Variants in VRTN observed in about 807,000 individuals in gnomAD.
VRTN encodes vertebrae development associated, also known as vertnin.
Under a neutral mutation model 18.2 loss-of-function variants are expected in VRTN, and 5 were observed. The ratio of observed to expected loss-of-function variants is 0.27; its 90% CI spans 0.14 to 0.58. The LOEUF (loss-of-function observed/expected upper bound fraction) is 0.58, where lower values mean the gene tolerates loss of function less well. Among genes scored for constraint, VRTN ranks in the 20% least tolerant of loss-of-function variants. The pLI, the probability that VRTN is intolerant of heterozygous loss-of-function variation, is 0.91. For missense variants in VRTN, 741 were observed against 939.4 expected (o/e 0.79, Z 2.76); for synonymous variants, 381 against 393.7 (o/e 0.97, Z 0.38).
At chr14:74,339,679 T>C (rs1269996686) in intron 2 of VRTN, among the ~76,000 whole-genome samples, 1 of 152,032 alleles carries the variant, frequency 6.6e-6, no homozygotes, top group African/African-American at 2.4e-5. Context: ...TTGGGCATGG[T>C]GGCACATGCC....
At chr14:74,333,293 G>C in intron 1 of VRTN, among the ~76,000 whole-genome samples, 1 of 152,114 alleles carries the variant, frequency 6.6e-6, no homozygotes, top group Middle Eastern at 3.2e-3. Context: ...TGAGGCAGGA[G>C]AACTGCTTGA....
upstream of VRTN, among the ~76,000 whole-genome samples, chr14:74,347,043 A>G (rs1005675815): frequency 1.8e-4 from 28 of 152,358 alleles, no homozygotes; most frequent in African/African-American, 6.5e-4. Flanking sequence ...CAGCATATTT[A>G]TATTAAGAAT....
chr14:74,326,433 G>A (rs563030810), intron 1 of VRTN, among the ~76,000 whole-genome samples: 18 of 152,208 alleles, frequency 1.2e-4, no homozygotes, highest in African/African-American at 4.3e-4. Context: ...AGCAGGCTGG[G>A]GTCTGGCTGG....
chr14:74,343,972 A>G (rs1461637243), upstream of VRTN, among the ~76,000 whole-genome samples: 1 of 150,362 alleles, frequency 6.7e-6, no homozygotes, highest in Non-Finnish European at 1.5e-5. Flanking sequence ...ATTTTTTTGT[A>G]TTTTTGTAGA....
intron 1 of VRTN, among the ~76,000 whole-genome samples, chr14:74,318,825 T>G (rs2085434966): frequency 6.6e-6 from 1 of 151,806 alleles, no homozygotes; most frequent in Non-Finnish European, 1.5e-5. Context: ...GCAATTCTTG[T>G]GCCTCAGCCT....
At chr14:74,307,138 T>A (rs1018165496) in intron 1 of VRTN, among the ~76,000 whole-genome samples, 2 of 57,626 alleles carry the variant, frequency 3.5e-5, no homozygotes, top group African/African-American at 1.5e-4. Context: ...GTTGTGGCCC[T>A]TTTTTTTTTT....
intron 2 of VRTN, among the ~76,000 whole-genome samples, chr14:74,341,540 CAG>C (rs2085605703): frequency 6.6e-6 from 1 of 152,194 alleles, no homozygotes; most frequent in Non-Finnish European, 1.5e-5. Context: ...TATTTTGAGA[CAG>C]AGTTTTGCTC....
chr14:74,344,180 G>C (rs1223721277), upstream of VRTN, among the ~76,000 whole-genome samples: 1 of 135,282 alleles, frequency 7.4e-6, no homozygotes. Flanking sequence ...AGGCCAAAGG[G>C]GGAGGATCAC....
At position 74,359,420 on chromosome 14, in the gene VRTN, T is replaced by C. The variant is rs1175815803; in HGVS notation, c.*528T>C. The C allele has an allele frequency of 5.9e-6, 1 of 168,340 alleles. No individual in the cohort carries two copies. The highest frequency in any genetic ancestry group is 1.4e-5 in the Non-Finnish European group (1 of 69,130). The allele number at this position is 168,340 out of a possible 1,614,324, so 10.4% of individuals were successfully genotyped here. A position where few individuals can be genotyped will look rare whatever the true frequency, so the allele number is the denominator to read the frequency against. ...TATGGGGGCCAGGTGTGGTGGCTTA[T>C]GCCTGTAATCCTAGCGCTTTGGGAG... On this transcript the variant is annotated 3_prime_UTR_variant, in exon 2 of 2. Coordinates refer to ENST00000256362, the MANE Select transcript of VRTN (RefSeq NM_018228.3).
intron 2 of VRTN, among the ~76,000 whole-genome samples, chr14:74,340,166 G>A (rs2085592345): frequency 6.7e-6 from 1 of 148,354 alleles, no homozygotes; most frequent in East Asian, 2.0e-4. Flanking sequence ...AGGCTGGAGT[G>A]CAAGGGCACG....
chr14:74,350,290 G>A (rs768698504), intron 1 of VRTN, among the ~76,000 whole-genome samples: 10 of 152,050 alleles, frequency 6.6e-5, no homozygotes, highest in Non-Finnish European at 1.5e-4. Context: ...GCCAGAAGTG[G>A]GGTATCACAT....
intron 2 of VRTN, among the ~76,000 whole-genome samples, chr14:74,340,847 T>C (rs1595171461): frequency 6.6e-6 from 1 of 151,998 alleles, no homozygotes; most frequent in Non-Finnish European, 1.5e-5. Flanking sequence ...GCCTCCTGGG[T>C]TCAAGCAATT....
At position 74,356,990 on chromosome 14, in the gene VRTN, T is replaced by C. The variant is rs200488700; in HGVS notation, c.207T>C (p.Asp69=). Residue 69 remains aspartate, a synonymous_variant, in exon 2 of 2, where the codon GAT becomes GAC. Transcript: ENST00000256362. The part of the protein sequence containing the change: ...DSVALSLYPE[D]APRNMLPLVC... ...TGGCCCTGAGCCTGTATCCAGAAGATGCTCCACGGAACATGCTGCCGCTGG... is the reference window on the plus strand; with the variant it reads ...TGGCCCTGAGCCTGTATCCAGAAGACGCTCCACGGAACATGCTGCCGCTGG... 35 of 1,611,784 alleles carry C rather than the reference T, an allele frequency of 2.2e-5. No homozygotes were observed. The highest frequency in any genetic ancestry group is 2.7e-5 in the Non-Finnish European group (32 of 1,179,070).
intron 1 of VRTN, among the ~76,000 whole-genome samples, chr14:74,353,827 A>G (rs2140212974): frequency 6.6e-6 from 1 of 152,026 alleles, no homozygotes; most frequent in South Asian, 2.1e-4. Context: ...GGTTCACGCC[A>G]TTCTCCTGCC....
intron 2 of VRTN, among the ~76,000 whole-genome samples, chr14:74,339,677 G>A (rs1363383344): frequency 6.6e-6 from 1 of 152,052 alleles, no homozygotes; most frequent in African/African-American, 2.4e-5. Context: ...CATTGGGCAT[G>A]GTGGCACATG....
In VRTN at chr14:74,329,876, CT is replaced by C. The variant is rs61567546; in HGVS notation, c.-163-7833del. On this transcript the variant is annotated intron_variant, in intron 1 of 2. Coordinates refer to the VRTN transcript ENST00000557177. ...ATAGGCATGAGCCACCGGGCCTGGG[CT>C]TTTTTTTTTTTTTGAAACAGAGTCT... 2.3e-3 allele frequency among the ~76,000 whole-genome samples: 305 copies of C among 135,286 alleles called. 1 individual carries two copies. Among genetic ancestry groups the C allele is most frequent in the Middle Eastern group, 4.0e-3 (1 of 252 alleles). 88.8% of individuals were successfully genotyped at this position (135,286 alleles called of 152,430 possible). A position where few individuals can be genotyped will look rare whatever the true frequency, so the allele number is the denominator to read the frequency against.
At chr14:74,303,130 A>G in exon 1 of VRTN, 1 of 449,710 alleles carries the variant, frequency 2.2e-6, no homozygotes, top group Non-Finnish European at 4.0e-6. Context: ...ATTTTCTGGG[A>G]GACTTCCCTT....
At chr14:74,330,767 T>C (rs1324418588) in intron 1 of VRTN, among the ~76,000 whole-genome samples, 2 of 151,440 alleles carry the variant, frequency 1.3e-5, no homozygotes, top group Non-Finnish European at 2.9e-5. Flanking sequence ...TGACTACACC[T>C]GAGGCGTTCT....
At chr14:74,346,221 C>T (rs1456313008), upstream of VRTN, among the ~76,000 whole-genome samples, 3 of 151,872 alleles carry the variant, frequency 2.0e-5, no homozygotes, top group South Asian at 2.1e-4. Flanking sequence ...CAGGATCACT[C>T]GAGCTCGGAG....
Sources: allele counts gnomAD v4.1 joint callset (sites outside exome capture counted in the v4.1 genomes callset), GRCh38; gene constraint gnomAD v4.1.1; transcripts MANE v1.5; gene names NCBI Gene and HGNC (gene_info 2026-07-23, HGNC 2026-07-21).